SLIT3: variants seen among roughly 807,000 people sequenced by gnomAD.
SLIT3 encodes the protein slit guidance ligand 3.
A neutral mutation model predicts 184.0 loss-of-function variants in SLIT3; 68 were observed. The observed-to-expected ratio is 0.37, with a 90% CI of 0.30 to 0.45. The LOEUF is 0.45. Ranked by LOEUF, SLIT3 falls within the 20% of genes least tolerant of loss-of-function variation. The probability of loss-of-function intolerance (pLI) is 1.00; values close to 1 mark genes in which losing one functional copy is unlikely to be tolerated. For synonymous variants in SLIT3, 831 were observed against 828.6 expected (o/e 1.00, Z -0.05); for missense variants, 1,707 against 2,026.0 (o/e 0.84, Z 3.02).
intron 4 of SLIT3, among the ~76,000 whole-genome samples, chr5:169,146,281 G>A (rs1486630105): frequency 1.3e-5 from 2 of 152,300 alleles, no homozygotes; most frequent in South Asian, 2.1e-4. Flanking sequence ...GTTCTTAACC[G>A]CAAAACGTAT....
chr5:169,097,542 GC>G (rs1285547146), intron 4 of SLIT3, among the ~76,000 whole-genome samples: 1 of 152,238 alleles, frequency 6.6e-6, no homozygotes, highest in Admixed American at 6.5e-5. Flanking sequence ...TATCCAATAT[GC>G]TTTCACCTTT....
chr5:168,956,440 T>C (rs1314614773), intron 4 of SLIT3, among the ~76,000 whole-genome samples: 2 of 152,174 alleles, frequency 1.3e-5, no homozygotes, highest in African/African-American at 4.8e-5. Context: ...TTTAGGTTTA[T>C]TAAAAAAAAT....
At chr5:169,241,380 A>T (rs1765401280) in intron 3 of SLIT3, among the ~76,000 whole-genome samples, 1 of 152,166 alleles carries the variant, frequency 6.6e-6, no homozygotes, top group South Asian at 2.1e-4. Flanking sequence ...CTGACATATG[A>T]TAAAGAGCAG....
chr5:169,210,875 T>C (rs958542026), intron 3 of SLIT3, among the ~76,000 whole-genome samples: 6 of 152,182 alleles, frequency 3.9e-5, no homozygotes, highest in African/African-American at 1.4e-4. Flanking sequence ...GTATCTTCCA[T>C]TAAAGTGGGA....
intron 4 of SLIT3, among the ~76,000 whole-genome samples, chr5:169,172,365 A>G (rs967854804): frequency 6.6e-6 from 1 of 152,232 alleles, no homozygotes; most frequent in African/African-American, 2.4e-5. Context: ...TCTTAACACC[A>G]GTCCTATAAA....
intron 29 of SLIT3, among the ~76,000 whole-genome samples, chr5:168,688,153 C>T (rs1761802879): frequency 6.6e-6 from 1 of 152,228 alleles, no homozygotes; most frequent in Admixed American, 6.5e-5. Flanking sequence ...CTTAGGTGCA[C>T]CCACAGGCAC....
At chr5:168,700,776 G>A (rs1258261196) in intron 26 of SLIT3, 97 bp from the exon 27 acceptor site, 1 of 871,574 alleles carries the variant, frequency 1.1e-6, no homozygotes, top group African/African-American at 1.7e-5. Context: ...TCTGTGATGA[G>A]GCTGGGGAGA....
chr5:168,967,076 TG>T (rs1339959936), intron 4 of SLIT3, among the ~76,000 whole-genome samples: 1 of 152,134 alleles, frequency 6.6e-6, no homozygotes, highest in African/African-American at 2.4e-5. Flanking sequence ...AGGAGCTAGT[TG>T]TCATGGCCCA....
chr5:169,208,905 A>C (rs765656387), intron 3 of SLIT3, among the ~76,000 whole-genome samples: 3 of 152,206 alleles, frequency 2.0e-5, no homozygotes, highest in South Asian at 4.1e-4. Flanking sequence ...GCAAAGAGTT[A>C]ATGTCTAAAA....
intron 1 of SLIT3, among the ~76,000 whole-genome samples, chr5:169,273,190 C>T (rs937994746): frequency 4.6e-5 from 7 of 152,190 alleles, no homozygotes; most frequent in African/African-American, 1.7e-4. Context: ...AACAGAGTCC[C>T]CTCACCGTGG....
intron 5 of SLIT3, among the ~76,000 whole-genome samples, chr5:168,855,037 G>T (rs59181705): frequency 0.015 from 2,280 of 152,254 alleles, 61 homozygotes; most frequent in African/African-American, 0.053. Context: ...TACTTTCAAG[G>T]AATAATGAAT....
intron 4 of SLIT3, among the ~76,000 whole-genome samples, chr5:169,069,085 A>G (rs753860): frequency 0.41 from 62,173 of 152,082 alleles, 13,717 homozygotes; most frequent in South Asian, 0.57. Flanking sequence ...GATGTAGACT[A>G]TGTGCTTTAT....
intron 3 of SLIT3, among the ~76,000 whole-genome samples, chr5:169,206,357 C>T (rs1294206928): frequency 1.3e-5 from 2 of 152,208 alleles, no homozygotes; most frequent in African/African-American, 4.8e-5. Context: ...ATGAGCACAG[C>T]CCACCACAGA....
chr5:169,100,130 A>G (rs1759952933), intron 4 of SLIT3, among the ~76,000 whole-genome samples: 1 of 152,220 alleles, frequency 6.6e-6, no homozygotes, highest in African/African-American at 2.4e-5. Context: ...TGTGTGGTCT[A>G]TACAAACAGG....
At chr5:168,836,443 G>C in intron 6 of SLIT3, among the ~76,000 whole-genome samples, 1 of 152,218 alleles carries the variant, frequency 6.6e-6, no homozygotes, top group South Asian at 2.1e-4. Flanking sequence ...ACAGAAGCCC[G>C]GTCTTAGGAG....
intron 4 of SLIT3, chr5:169,018,077 G>A (rs1443727630): frequency 2.0e-5 from 3 of 152,228 alleles, no homozygotes; most frequent in Non-Finnish European, 4.4e-5. Flanking sequence ...TAGTTCCAGA[G>A]TTACCTGCAA....
At chr5:169,134,222 G>A (rs1180546560) in intron 4 of SLIT3, among the ~76,000 whole-genome samples, 3 of 152,182 alleles carry the variant, frequency 2.0e-5, no homozygotes, top group Non-Finnish European at 2.9e-5. Flanking sequence ...TTACGTCCCT[G>A]CTTTAAGACT....
At chr5:168,847,884 G>C (rs1317939313) in intron 5 of SLIT3, among the ~76,000 whole-genome samples, 3 of 152,114 alleles carry the variant, frequency 2.0e-5, no homozygotes, top group Non-Finnish European at 4.4e-5. Context: ...GCCTTTGAAA[G>C]GCCTCCTTCA....
chr5:168,797,290 C>T (rs1433922814), intron 9 of SLIT3, among the ~76,000 whole-genome samples: 4 of 152,178 alleles, frequency 2.6e-5, no homozygotes, highest in Non-Finnish European at 1.5e-5. Flanking sequence ...GGCAGCAGCT[C>T]CATGGATCTC....
Sources: allele counts gnomAD v4.1 joint callset (sites outside exome capture counted in the v4.1 genomes callset), GRCh38; gene constraint gnomAD v4.1.1; transcripts MANE v1.5; gene names NCBI Gene and HGNC (gene_info 2026-07-23, HGNC 2026-07-21).